FSIP2: variants seen among roughly 807,000 people sequenced by gnomAD.
FSIP2 encodes the protein fibrous sheath interacting protein 2.
A neutral mutation model predicts 510.5 loss-of-function variants in FSIP2; 367 were observed. That is an observed-to-expected ratio of 0.72 (90% CI 0.66 to 0.78). The LOEUF is 0.78. FSIP2 is among the 30% of genes least tolerant of loss of function. The probability of loss-of-function intolerance (pLI) is 0.00; values close to 1 mark genes in which losing one functional copy is unlikely to be tolerated. For synonymous variants in FSIP2, 2,601 were observed against 2,732.2 expected (o/e 0.95, Z 1.50); for missense variants, 7,594 against 7,901.7 (o/e 0.96, Z 1.48).
At chr2:185,812,765 G>A (rs1693759058) in intron 17 of FSIP2, among the ~76,000 whole-genome samples, 1 of 151,954 alleles carries the variant, frequency 6.6e-6, no homozygotes, top group African/African-American at 2.4e-5. Flanking sequence ...ATTTTAAAGA[G>A]GTTCTTCTGA....
chr2:185,761,088 T>C lies in FSIP2; in HGVS notation c.1179T>C (p.Asn393=). The C allele has an allele frequency of 7.3e-7, 1 of 1,371,816 alleles. No homozygotes were observed. Among genetic ancestry groups the C allele is most frequent in the Non-Finnish European group, 9.9e-7 (1 of 1,014,178 alleles). The allele number at this position is 1,371,816 out of a possible 1,614,324, so 85.0% of individuals were successfully genotyped here. ...SVVYQADVQD[N]GINQKRDGMV... ...TTTATCAGGCAGATGTACAGGATAA[T>C]GGTATAAATCAAAAGGTATACAATT... Residue 393 remains asparagine, a synonymous_variant, in exon 10 of 23, where the codon AAT becomes AAC. Transcript: ENST00000424728.
intron 19 of FSIP2, among the ~76,000 whole-genome samples, chr2:185,823,564 G>A (rs1201001548): frequency 6.6e-6 from 1 of 150,846 alleles, no homozygotes; most frequent in Non-Finnish European, 1.5e-5. Flanking sequence ...GAAGGAAGGA[G>A]GGAAAAAAGA....
rs1692976124 is a variant in FSIP2 at position 185,786,274 on chromosome 2, T to G, written c.1492T>G (p.Cys498Gly). The G allele has an allele frequency of 6.6e-7, 1 of 1,524,528 alleles. No individual in the cohort carries two copies. The highest frequency in any genetic ancestry group is 8.8e-7 in the Non-Finnish European group (1 of 1,138,634). The allele number at this position is 1,524,528 out of a possible 1,614,324, so 94.4% of individuals were successfully genotyped here. A position where few individuals can be genotyped will look rare whatever the true frequency, so the allele number is the denominator to read the frequency against. ...CAGGCAACAGAACTTGCTGCAAAAT[T>G]GCTTGCAAGAAAAAGTATGTATCAT... The part of the protein sequence containing the change: ...TNMQQNLLQN[C>G]LQEKVTSEEL... Residue 498 changes from cysteine (C) to glycine (G), a missense_variant, in exon 15 of 23, where the codon TGC (cysteine) becomes GGC (glycine). Physicochemically the swap from Cys to Gly is radical, Grantham distance 159 (BLOSUM62 -3). Transcript: ENST00000424728.
Position 185,813,623 on chromosome 2 carries a change from A to G in FSIP2, c.19906A>G (p.Lys6636Glu). The change falls in exon 18 of 23, where the codon AAA (lysine) becomes GAA (glutamate). Residue 6636 changes from lysine to glutamate, a missense_variant. By Grantham distance (56) the Lys-to-Glu change is moderately conservative. Transcript: ENST00000424728. ...GGAGCTCTTAAAAGATGTTCAAAGT[A>G]AAAATGATCTTATTGTTCGATTAGT... ...KVELLKDVQS[K>E]NDLIVRLVAH... 6.9e-6 allele frequency: 11 copies of G among 1,590,738 alleles called. No homozygotes were observed. Among genetic ancestry groups the G allele is most frequent in the Non-Finnish European group, 9.4e-6 (11 of 1,168,156 alleles).
chr2:185,831,357 C>T (rs1469451368), intron 21 of FSIP2, among the ~76,000 whole-genome samples: 1 of 151,868 alleles, frequency 6.6e-6, no homozygotes, highest in Non-Finnish European at 1.5e-5. Context: ...ACAACCAGGT[C>T]TACAGAGCCA....
At chr2:185,747,106 T>G (rs1692049339) in intron 6 of FSIP2, among the ~76,000 whole-genome samples, 1 of 152,112 alleles carries the variant, frequency 6.6e-6, no homozygotes, top group Admixed American at 6.6e-5. Flanking sequence ...TTTTGAAATT[T>G]AGCTTTAGTA....
chr2:185,790,348 A>G lies in FSIP2; in HGVS notation c.3212A>G (p.Glu1071Gly), dbSNP rs894576072. Residue 1071 changes from glutamate (E) to glycine (G), a missense_variant, in exon 16 of 23, where the codon GAG (glutamate) becomes GGG (glycine). Glu to Gly is a moderately conservative substitution (Grantham distance 98). Transcript: ENST00000424728. The stretch of plus-strand genomic sequence containing the variant: ...TTTCATGATTGGGAATTAAAGACTG[A>G]GCCACCATCTACTAATCATGAAGAT... ...AAFHDWELKTEPPSTNHEDIL... is the reference protein window; with the variant it reads ...AAFHDWELKTGPPSTNHEDIL... 78 of 1,533,112 alleles carry G rather than the reference A, an allele frequency of 5.1e-5. No individual in the cohort carries two copies. The highest frequency in any genetic ancestry group is 6.6e-5 in the Non-Finnish European group (76 of 1,145,316). The allele number at this position is 1,533,112 out of a possible 1,614,324, so 95.0% of individuals were successfully genotyped here. A position where few individuals can be genotyped will look rare whatever the true frequency, so the allele number is the denominator to read the frequency against.
Position 185,791,867 on chromosome 2 carries a change from A to T in FSIP2, c.4731A>T (p.Lys1577Asn), listed in dbSNP as rs1238953442. 5 of 1,533,928 alleles carry T rather than the reference A, an allele frequency of 3.3e-6. No individual in the cohort carries two copies. The South Asian group carries it at 6.0e-5, about 18-fold the overall frequency. Residue 1577 changes from lysine (K) to asparagine (N), a missense_variant, in exon 16 of 23, where the codon AAA becomes AAT. Coordinates refer to ENST00000424728, the MANE Select transcript of FSIP2 (RefSeq NM_173651.4). Reference protein sequence around the residue: ...TPSTKEMHPNKLKAVASDILN... With the variant: ...TPSTKEMHPNNLKAVASDILN... Reference sequence around the variant, plus strand: ...GCACAAAAGAAATGCATCCAAATAAACTAAAAGCTGTAGCTTCAGATATTC... The same window carrying T: ...GCACAAAAGAAATGCATCCAAATAATCTAAAAGCTGTAGCTTCAGATATTC...
At chr2:185,784,952 G>C (rs1157592820) in intron 14 of FSIP2, among the ~76,000 whole-genome samples, 1 of 151,970 alleles carries the variant, frequency 6.6e-6, no homozygotes, top group Admixed American at 6.6e-5. Context: ...TTTTCTAATA[G>C]TCATCAATGA....
At chr2:185,771,049 T>C (rs1481739931) in intron 13 of FSIP2, among the ~76,000 whole-genome samples, 3 of 151,828 alleles carry the variant, frequency 2.0e-5, no homozygotes, top group Admixed American at 2.0e-4. Flanking sequence ...CTGGGAACAC[T>C]AAAAAAAAGG....
In FSIP2 at chr2:185,791,333, G is replaced by T. The variant is rs1291191526; in HGVS notation, c.4197G>T (p.Arg1399Ser). Residue 1399 changes from arginine to serine, a missense_variant, in exon 16 of 23, where the codon AGG becomes AGT. By Grantham distance (110) the Arg-to-Ser change is moderately radical (BLOSUM62 -1). Coordinates refer to ENST00000424728, the MANE Select transcript of FSIP2 (RefSeq NM_173651.4). ...ATGTACAAAGCATTTTGCCAAATAGGCAAGATAAAAAATCTTTTCACAAAT... is the reference window on the plus strand; with the variant it reads ...ATGTACAAAGCATTTTGCCAAATAGTCAAGATAAAAAATCTTTTCACAAAT... ...SVDVQSILPN[R>S]QDKKSFHKYL... 1 of 1,533,958 alleles carries T rather than the reference G, an allele frequency of 6.5e-7. No individual in the cohort carries two copies. The highest frequency in any genetic ancestry group is 8.7e-7 in the Non-Finnish European group (1 of 1,145,520).
Position 185,764,503 on chromosome 2 carries a change from AG to A in FSIP2, c.1351del (p.Glu451ArgfsTer53). On this transcript the variant is annotated frameshift_variant and splice_region_variant, in exon 13 of 23. Transcript: ENST00000424728. LOFTEE classifies it high-confidence loss of function. ...GTTTTGCTGTTGTGAATTATGTAGA[AG>A]GAGACAAATGCTGATTGGGATGGAA... Reference protein sequence around the residue: ...QAFLDPSKEEKETNADWDGRP... With the variant: ...QAFLDPSKEEXETNADWDGRP... 6.5e-7 allele frequency: 1 copy of A among 1,528,602 alleles called. No individual in the cohort carries two copies. The highest frequency in any genetic ancestry group is 2.5e-5 in the East Asian group (1 of 40,648). The allele number at this position is 1,528,602 out of a possible 1,614,324, so 94.7% of individuals were successfully genotyped here.
In FSIP2 at chr2:185,788,802, T is replaced by C; in HGVS notation, c.1666T>C (p.Ser556Pro). The part of the protein sequence containing the change: ...SDDSILSSDS[S>P]SFCSTCSEDF... ...TGACTCCATCCTCTCTTCAGATAGT[T>C]CAAGTTTCTGTAGCACGTGCAGTGA... Residue 556 changes from serine to proline, a missense_variant, in exon 16 of 23, where the codon TCA becomes CCA. Physicochemically the swap from Ser to Pro is moderately conservative, Grantham distance 74. Transcript: ENST00000424728. 6.5e-7 allele frequency: 1 copy of C among 1,532,906 alleles called. No individual in the cohort carries two copies. The highest frequency in any genetic ancestry group is 1.7e-4 in the Middle Eastern group (1 of 5,982). The allele number at this position is 1,532,906 out of a possible 1,614,324, so 95.0% of individuals were successfully genotyped here. A position where few individuals can be genotyped will look rare whatever the true frequency, so the allele number is the denominator to read the frequency against.
At chr2:185,773,018 A>G (rs186705858) in intron 13 of FSIP2, among the ~76,000 whole-genome samples, 3 of 151,976 alleles carry the variant, frequency 2.0e-5, no homozygotes, top group Non-Finnish European at 4.4e-5. Context: ...ATGCCACCAT[A>G]CCAGCTAGTT....
Position 185,804,214 on chromosome 2 carries a change from GTT to G in FSIP2, c.14909_14910del (p.Val4970AspfsTer2). ...ILYAFSHNML[V>X]TENPDRVKLK... is the part of the protein sequence containing the mutation. The stretch of plus-strand genomic sequence containing the variant: ...TTATGCATTTTCACATAACATGTTG[GTT>G]ACTGAAAATCCAGATAGAGTGAAAC... On this transcript the variant is annotated frameshift_variant, in exon 17 of 23. Coordinates refer to ENST00000424728, the MANE Select transcript of FSIP2 (RefSeq NM_173651.4). LOFTEE classifies it high-confidence loss of function. 1 of 1,519,358 alleles carries G rather than the reference GTT, an allele frequency of 6.6e-7. No homozygotes were observed. Among genetic ancestry groups the G allele is most frequent in the Non-Finnish European group, 8.8e-7 (1 of 1,140,360 alleles). The allele number at this position is 1,519,358 out of a possible 1,614,324, so 94.1% of individuals were successfully genotyped here.
At position 185,792,616 on chromosome 2, in the gene FSIP2, A is replaced by T. The variant is rs1325784701; in HGVS notation, c.5480A>T (p.Asp1827Val). The T allele has an allele frequency of 2.0e-6, 3 of 1,534,210 alleles. No homozygotes were observed. In the East Asian group the frequency reaches 7.3e-5, roughly 38 times the overall value. ...CCCCAAACATCTGTTCAATTTATGG[A>T]TAAAATGATGGATCCTTTACTTTCG... ...PTPQTSVQFM[D>V]KMMDPLLSEA... The change falls in exon 16 of 23, where the codon GAT becomes GTT. Residue 1827 changes from aspartate (D) to valine (V), a missense_variant. By Grantham distance (152) the Asp-to-Val change is radical (BLOSUM62 -3). Transcript: ENST00000424728.
intron 9 of FSIP2, 52 bp downstream of exon 9, chr2:185,756,330 GA>G: frequency 6.2e-6 from 4 of 640,782 alleles, no homozygotes; most frequent in Non-Finnish European, 9.8e-6. Flanking sequence ...TAATTTGGGG[GA>G]AAGACAGTTT....
At chr2:185,759,739 A>G (rs1342317910) in intron 9 of FSIP2, among the ~76,000 whole-genome samples, 2 of 149,116 alleles carry the variant, frequency 1.3e-5, no homozygotes, top group Non-Finnish European at 3.0e-5. Flanking sequence ...ACGAATTTTT[A>G]ATTTATTATA....
Position 185,800,951 on chromosome 2 carries a change from C to G in FSIP2, c.11645C>G (p.Ser3882Cys). 1.3e-6 allele frequency: 2 copies of G among 1,528,808 alleles called. No homozygotes were observed. Among genetic ancestry groups the G allele is most frequent in the Non-Finnish European group, 1.8e-6 (2 of 1,142,828 alleles). 94.7% of individuals were successfully genotyped at this position (1,528,808 alleles called of 1,614,324 possible). A position where few individuals can be genotyped will look rare whatever the true frequency, so the allele number is the denominator to read the frequency against. Residue 3882 changes from serine to cysteine, a missense_variant, in exon 17 of 23, where the codon TCT (serine) becomes TGT (cysteine). By Grantham distance (112) the Ser-to-Cys change is moderately radical. Coordinates refer to ENST00000424728, the MANE Select transcript of FSIP2 (RefSeq NM_173651.4). Reference protein sequence around the residue: ...HLNYRTREIQSSFIKARKSEL... With the variant: ...HLNYRTREIQCSFIKARKSEL... The stretch of plus-strand genomic sequence containing the variant: ...AACTACAGAACAAGAGAAATACAGT[C>G]TAGTTTCATAAAAGCAAGAAAGTCA...
Sources: allele counts gnomAD v4.1 joint callset (sites outside exome capture counted in the v4.1 genomes callset), GRCh38; gene constraint gnomAD v4.1.1; transcripts MANE v1.5; gene names NCBI Gene and HGNC (gene_info 2026-07-23, HGNC 2026-07-21).